Variants in KSR2 observed in about 807,000 individuals in gnomAD.
KSR2 encodes kinase suppressor of ras 2.
A neutral mutation model predicts 107.8 loss-of-function variants in KSR2; 25 were observed. The ratio of observed to expected loss-of-function variants is 0.23; its 90% CI spans 0.17 to 0.32. The LOEUF is 0.32. Among genes scored for constraint, KSR2 ranks in the 10% least tolerant of loss-of-function variants. The pLI, the probability that KSR2 is intolerant of heterozygous loss-of-function variation, is 1.00. For missense variants in KSR2, 887 were observed against 1,268.9 expected (o/e 0.70, Z 4.57); for synonymous variants, 480 against 507.0 (o/e 0.95, Z 0.71).
chr12:117,736,085 G>C lies in KSR2; in HGVS notation c.986+24926C>G, dbSNP rs147937278. ...ACCAGATATGCCAACCTGACTTTTG[G>C]TCATTTGACCATAGTTGAATCAAGT... On this transcript the variant is annotated intron_variant, in intron 4 of 19. Transcript: ENST00000339824. Among the ~76,000 whole-genome samples the C allele has an allele frequency of 1.3e-3, 200 of 152,236 alleles. 2 individuals are homozygous for C. Among genetic ancestry groups the C allele is most frequent in the African/African-American group, 4.3e-3 (178 of 41,540 alleles).
intron 3 of KSR2, among the ~76,000 whole-genome samples, chr12:117,841,473 C>A (rs1428034869): frequency 6.6e-6 from 1 of 152,190 alleles, no homozygotes; most frequent in Non-Finnish European, 1.5e-5. Context: ...GAGGCTAAAA[C>A]AAGATCACCT....
At chr12:117,650,412 A>T (rs958908168) in intron 5 of KSR2, among the ~76,000 whole-genome samples, 5 of 152,162 alleles carry the variant, frequency 3.3e-5, no homozygotes, top group African/African-American at 1.2e-4. Context: ...ATCTCCTATT[A>T]GTTCTGTCCC....
chr12:117,454,186 ACATT>A lies in KSR2; in HGVS notation c.*13009_*13012del, dbSNP rs1340892972. On this transcript the variant is annotated 3_prime_UTR_variant, in exon 20 of 20. Coordinates refer to ENST00000339824, the MANE Select transcript of KSR2 (RefSeq NM_173598.6). The stretch of plus-strand genomic sequence containing the variant: ...TGCCAGGTATTGCGTAACGTTATTG[ACATT>A]CATTATTTCATTCACTCCCTCCAAT... The A allele has an allele frequency of 6.6e-6, 1 of 152,176 alleles. No individual in the cohort carries two copies. The highest frequency in any genetic ancestry group is 1.5e-5 in the Non-Finnish European group (1 of 68,030). The allele number at this position is 152,176 out of a possible 1,614,324, so 9.4% of individuals were successfully genotyped here. A position where few individuals can be genotyped will look rare whatever the true frequency, so the allele number is the denominator to read the frequency against.
At chr12:117,869,097 C>A (rs1372507692) in intron 1 of KSR2, among the ~76,000 whole-genome samples, 1 of 150,104 alleles carries the variant, frequency 6.7e-6, no homozygotes, top group Non-Finnish European at 1.5e-5. Flanking sequence ...TCAGGCCAGG[C>A]GCGGTGGCTC....
intron 3 of KSR2, among the ~76,000 whole-genome samples, chr12:117,803,289 ATTTG>A (rs1224357431): frequency 6.6e-6 from 1 of 152,228 alleles, no homozygotes; most frequent in Non-Finnish European, 1.5e-5. Context: ...GAGAGGTGGC[ATTTG>A]AAGGCCACAG....
intron 1 of KSR2, among the ~76,000 whole-genome samples, chr12:117,948,200 G>A (rs1385847428): frequency 6.6e-6 from 1 of 152,152 alleles, no homozygotes; most frequent in African/African-American, 2.4e-5. Context: ...TGTAATCCCA[G>A]TACTTTGGGA....
intron 4 of KSR2, among the ~76,000 whole-genome samples, chr12:117,750,485 T>C (rs969733260): frequency 3.3e-5 from 5 of 152,190 alleles, no homozygotes; most frequent in African/African-American, 1.2e-4. Context: ...TTTTTTAATT[T>C]TAATTTCAAT....
chr12:117,798,126 G>A (rs1484093201), intron 3 of KSR2, among the ~76,000 whole-genome samples: 1 of 152,120 alleles, frequency 6.6e-6, no homozygotes, highest in Non-Finnish European at 1.5e-5. Context: ...CATCAAATGG[G>A]ATCTTCCTAC....
At chr12:117,740,077 G>GC (rs1381111962) in intron 4 of KSR2, among the ~76,000 whole-genome samples, 1 of 150,700 alleles carries the variant, frequency 6.6e-6, no homozygotes, top group Non-Finnish European at 1.5e-5. Context: ...TCCCTCAGTG[G>GC]CCCCCCACCC....
intron 4 of KSR2, among the ~76,000 whole-genome samples, chr12:117,721,214 G>C (rs1887192467): frequency 6.6e-6 from 1 of 152,142 alleles, no homozygotes; most frequent in Non-Finnish European, 1.5e-5. Context: ...ATCTGAAAGA[G>C]AAATAGTCGG....
At chr12:117,909,230 G>A (rs1894945525) in intron 1 of KSR2, among the ~76,000 whole-genome samples, 2 of 152,002 alleles carry the variant, frequency 1.3e-5, no homozygotes, top group Non-Finnish European at 2.9e-5. Flanking sequence ...TTGGAAAGGG[G>A]GCTCTTCAGC....
At chr12:117,778,596 C>G (rs1333362706) in intron 3 of KSR2, among the ~76,000 whole-genome samples, 1 of 152,192 alleles carries the variant, frequency 6.6e-6, no homozygotes, top group Non-Finnish European at 1.5e-5. Flanking sequence ...TCGTCCTTAT[C>G]TTGATCCTGC....
At chr12:117,768,324 T>C (rs1889318862) in intron 3 of KSR2, among the ~76,000 whole-genome samples, 1 of 152,186 alleles carries the variant, frequency 6.6e-6, no homozygotes, top group Non-Finnish European at 1.5e-5. Flanking sequence ...GGTGCTTCTT[T>C]GATCATATGG....
chr12:117,606,583 TTCTTCCTTCCTTCTTTCC>T lies in KSR2; in HGVS notation c.1172-24242_1172-24225del, dbSNP rs1358068155. Among the ~76,000 whole-genome samples the T allele has an allele frequency of 1.3e-4, 2 of 15,408 alleles. 1 individual carries two copies. The highest frequency in any genetic ancestry group is 2.2e-4 in the Non-Finnish European group (2 of 9,222). 10.1% of individuals were successfully genotyped at this position (15,408 alleles called of 152,430 possible). A position where few individuals can be genotyped will look rare whatever the true frequency, so the allele number is the denominator to read the frequency against. On this transcript the variant is annotated intron_variant, in intron 5 of 19. Transcript: ENST00000339824. ...TTCCTCCCCTTCTTCCTCCCTTCCC[TTCTTCCTTCCTTCTTTCC>T]TCCTTCCTTCCTTCCTCCCTCCCTT... is the stretch of plus-strand genomic sequence containing the variant.
At chr12:117,794,015 C>G (rs1412244997) in intron 3 of KSR2, among the ~76,000 whole-genome samples, 1 of 103,698 alleles carries the variant, frequency 9.6e-6, no homozygotes, top group East Asian at 4.7e-4. Flanking sequence ...CACCAACATG[C>G]ACACTCACAC....
intron 6 of KSR2, among the ~76,000 whole-genome samples, chr12:117,579,485 G>C (rs185749638): frequency 6.1e-5 from 9 of 148,456 alleles, no homozygotes; most frequent in Non-Finnish European, 1.0e-4. Flanking sequence ...GTAAGCACTC[G>C]ATAAATTGGG....
chr12:117,658,370 T>C (rs1884276484), intron 5 of KSR2, among the ~76,000 whole-genome samples: 1 of 152,114 alleles, frequency 6.6e-6, no homozygotes, highest in African/African-American at 2.4e-5. Flanking sequence ...GTGGTGATGA[T>C]GGAGGAGGAG....
Position 117,539,784 on chromosome 12 carries a change from G to C in KSR2, c.1622C>G (p.Thr541Arg). ...GGAAGGGTGTAGGGGAGAAGGCGGC[G>C]TGGCACTAGGAGGGAGGGGGGGTGC... Reference protein sequence around the residue: ...SPAPPLPPSATPPSPLHPSPQ... With the variant: ...SPAPPLPPSARPPSPLHPSPQ... Residue 541 changes from threonine to arginine, a missense_variant, in exon 10 of 20, where the codon ACG becomes AGG. Around this residue, in one of 8 missense-constraint regions of KSR2, gnomAD observed 50 missense variants for 43.4 expected, o/e 1.15. Coordinates refer to ENST00000339824, the MANE Select transcript of KSR2 (RefSeq NM_173598.6). The C allele has an allele frequency of 6.2e-7, 1 of 1,607,606 alleles. No homozygotes were observed. Among genetic ancestry groups the C allele is most frequent in the East Asian group, 2.2e-5 (1 of 44,506 alleles).
chr12:117,491,535 C>T (rs1458121744), intron 14 of KSR2, among the ~76,000 whole-genome samples: 1 of 152,168 alleles, frequency 6.6e-6, no homozygotes, highest in Non-Finnish European at 1.5e-5. Flanking sequence ...CCTCTAGGTT[C>T]ATTCATGTTG....
Sources: gnomAD v4.1 joint callset for allele counts (sites outside exome capture counted in the v4.1 genomes callset) on GRCh38, gnomAD v4.1.1 for gene constraint, gnomAD v4.1.1 regional missense constraint, MANE v1.5 for transcripts, NCBI Gene and HGNC (gene_info 2026-07-23, HGNC 2026-07-21) for gene names.